Variants in NABP2 observed in about 807,000 individuals in gnomAD.
NABP2 encodes nucleic acid binding protein 2.
Under a neutral mutation model 22.7 loss-of-function variants are expected in NABP2, and 7 were observed. That is an observed-to-expected ratio of 0.31 (90% confidence interval 0.18 to 0.58). NABP2 has a LOEUF of 0.58. NABP2 is among the 20% of genes least tolerant of loss of function. The probability of loss-of-function intolerance (pLI) is 0.89; values close to 1 mark genes in which losing one functional copy is unlikely to be tolerated. For synonymous variants in NABP2, 107 were observed against 99.2 expected, an observed-to-expected ratio of 1.08 and a Z score of -0.47; for missense variants, 188 against 265.9, an observed-to-expected ratio of 0.71 and a Z score of 2.04.
chr12:56,224,719 T>C (rs571817406), intron 1 of NABP2, 115 bp from the exon 2 acceptor site: 1 of 1,012,220 alleles, frequency 9.9e-7, no homozygotes, highest in Admixed American at 2.0e-5. Context: ...TTTAGAAGGG[T>C]TAGAGGGGTT....
At position 56,229,563 on chromosome 12, in the gene NABP2, C is replaced by T. The variant is rs57343616; in HGVS notation, c.*350C>T. 10,834 of 250,152 alleles carry T rather than the reference C, an allele frequency of 0.043. 322 individuals are homozygous for T. Among genetic ancestry groups the T allele is most frequent in the Non-Finnish European group, 0.061 (7,697 of 126,700 alleles). 15.5% of individuals were successfully genotyped at this position (250,152 alleles called of 1,614,324 possible). A position where few individuals can be genotyped will look rare whatever the true frequency, so the allele number is the denominator to read the frequency against. ...CAGCCTGACCAACATGGAGAAACCCCGTGTCTACTAAAAATACAGAATTAG... is the reference window on the plus strand; with the variant it reads ...CAGCCTGACCAACATGGAGAAACCCTGTGTCTACTAAAAATACAGAATTAG... On this transcript the variant is annotated 3_prime_UTR_variant, in exon 7 of 7. Transcript: ENST00000267023.
upstream of NABP2, chr12:56,222,158 G>C (rs1279466886): frequency 6.6e-6 from 1 of 152,348 alleles, no homozygotes; most frequent in African/African-American, 2.4e-5. Context: ...CGGCAAAAAC[G>C]TGTGGGCCTG....
intron 2 of NABP2, 96 bp from the exon 3 acceptor site, chr12:56,225,277 T>C (rs1429338714): frequency 1.3e-6 from 2 of 1,524,828 alleles, no homozygotes; most frequent in Non-Finnish European, 1.8e-6. Flanking sequence ...GTACACCTTT[T>C]CCCTCATTCC....
At chr12:56,223,401 A>G (rs1869597499), upstream of NABP2, among the ~76,000 whole-genome samples, 1 of 152,112 alleles carries the variant, frequency 6.6e-6, no homozygotes. Flanking sequence ...CTCTACAAAA[A>G]AAATACAGAA....
At chr12:56,224,598 A>T in intron 1 of NABP2, 157 bp downstream of exon 1, 1 of 1,237,648 alleles carries the variant, frequency 8.1e-7, no homozygotes. Flanking sequence ...GCGGCTTGAG[A>T]CTAAAAGAGC....
At chr12:56,224,753 T>TG (rs34010849) in intron 1 of NABP2, 81 bp from the exon 2 acceptor site, 3 of 1,244,548 alleles carry the variant, frequency 2.4e-6, no homozygotes. Context: ...CCCAGCCTAA[T>TG]GGGGTAGGTA....
upstream of NABP2, chr12:56,224,314 C>T (rs1274494): frequency 0.94 from 928,913 of 987,006 alleles, 446,686 homozygotes; most frequent in East Asian, 0.98. Flanking sequence ...CGGAGGAGGC[C>T]AGCCGGGGGA....
Position 56,226,438 on chromosome 12 carries a change from A to G in NABP2, c.436+19A>G, listed in dbSNP as rs769901190. 18 of 1,608,500 alleles carry G rather than the reference A, an allele frequency of 1.1e-5. No individual in the cohort carries two copies. Among genetic ancestry groups the G allele is most frequent in the Non-Finnish European group, 1.5e-5 (18 of 1,176,640 alleles). The stretch of plus-strand genomic sequence containing the variant: ...TCTCCAGGTAAATCTGTTCCCTTCT[A>G]TCCACTGGTCCTCCTAGCTCTCCCA... On this transcript the variant is annotated intron_variant, in intron 6 of 6. Coordinates refer to ENST00000267023, the MANE Select transcript of NABP2 (RefSeq NM_024068.4).
chr12:56,228,318 C>T (rs370752190), intron 6 of NABP2, among the ~76,000 whole-genome samples: 20 of 151,520 alleles, frequency 1.3e-4, no homozygotes, highest in South Asian at 4.2e-4. Flanking sequence ...CATATTTTAA[C>T]GCAGAGACTT....
intron 1 of NABP2, 172 bp downstream of exon 1, chr12:56,224,613 C>T (rs2135828559): frequency 4.2e-6 from 5 of 1,192,150 alleles, no homozygotes; most frequent in South Asian, 2.1e-5. Context: ...AAGAGCATCC[C>T]GGCAGGGGGC....
rs1167913325 is a variant in NABP2 at position 56,229,348 on chromosome 12, AT to A, written c.*136del. ...GTGGAGGGTGGTGAGCAGTGTCCTT[AT>A]CCACCCTAATCTCATACTCCCTCAT... On this transcript the variant is annotated 3_prime_UTR_variant, in exon 7 of 7. Coordinates refer to ENST00000267023, the MANE Select transcript of NABP2 (RefSeq NM_024068.4). 5.9e-6 allele frequency: 5 copies of A among 849,598 alleles called. No homozygotes were observed. The Admixed American group carries it at 1.2e-4, about 20-fold the overall frequency. The allele number at this position is 849,598 out of a possible 1,614,324, so 52.6% of individuals were successfully genotyped here. A position where few individuals can be genotyped will look rare whatever the true frequency, so the allele number is the denominator to read the frequency against.
chr12:56,225,706 T>G lies in NABP2; in HGVS notation c.290+11T>G, dbSNP rs994800190. 6.2e-7 allele frequency: 1 copy of G among 1,614,094 alleles called. No individual in the cohort carries two copies. The highest frequency in any genetic ancestry group is 8.5e-7 in the Non-Finnish European group (1 of 1,179,954). On this transcript the variant is annotated intron_variant, in intron 4 of 6. Coordinates refer to ENST00000267023, the MANE Select transcript of NABP2 (RefSeq NM_024068.4). ...GCAGAAGATTGGAGAGTAAGTGCTG[T>G]CTTGGGGATTGGGATGAAGAAGCAC...
chr12:56,227,381 A>AC (rs1243977662), intron 6 of NABP2, among the ~76,000 whole-genome samples: 1 of 151,832 alleles, frequency 6.6e-6, no homozygotes, highest in Middle Eastern at 3.2e-3. Context: ...CTCAAAAAAA[A>AC]AAAAAAAAGA....
chr12:56,229,093 C>CCCCCCCCCCCCCCCAAAAAAACA lies in NABP2; in HGVS notation c.517_518insCCCCCCCCCCCCCAAAAAAACAC (p.His173ProfsTer68). 1 of 1,194,608 alleles carries CCCCCCCCCCCCCCCAAAAAAACA rather than the reference C, an allele frequency of 8.4e-7. No homozygotes were observed. Among genetic ancestry groups the CCCCCCCCCCCCCCCAAAAAAACA allele is most frequent in the Non-Finnish European group, 1.2e-6 (1 of 824,940 alleles). 74.0% of individuals were successfully genotyped at this position (1,194,608 alleles called of 1,614,324 possible). A position where few individuals can be genotyped will look rare whatever the true frequency, so the allele number is the denominator to read the frequency against. ...GCCCACATCCCCCTCATACTCCCTC[C>CCCCCCCCCCCCCCCAAAAAAACA]CACCCACCCAGCACCCGAATCACTC... On this transcript the variant is annotated frameshift_variant, in exon 7 of 7. Transcript: ENST00000267023. LOFTEE classifies it high-confidence loss of function.
chr12:56,227,594 C>T (rs1214450246), intron 6 of NABP2, among the ~76,000 whole-genome samples: 1 of 152,182 alleles, frequency 6.6e-6, no homozygotes, highest in Non-Finnish European at 1.5e-5. Flanking sequence ...AGTTCAATGA[C>T]AGTGGTATGT....
At chr12:56,225,233 T>G in intron 2 of NABP2, 140 bp from the exon 3 acceptor site, 1 of 1,111,998 alleles carries the variant, frequency 9.0e-7, no homozygotes, top group Non-Finnish European at 1.3e-6. Flanking sequence ...ATCCCAACCC[T>G]TTATGCCCCA....
chr12:56,224,971 G>T, intron 2 of NABP2, 36 bp downstream of exon 2: 1 of 1,491,460 alleles, frequency 6.7e-7, no homozygotes, highest in Non-Finnish European at 9.3e-7. Flanking sequence ...GCGGGATGGG[G>T]GTCGGGGGCA....
chr12:56,224,266 G>T, upstream of NABP2: 1 of 929,966 alleles, frequency 1.1e-6, no homozygotes, highest in Non-Finnish European at 1.3e-6. Flanking sequence ...CAGGGCAGGC[G>T]GCGGGACGCA....
chr12:56,228,292 T>G (rs1869884069), intron 6 of NABP2, among the ~76,000 whole-genome samples: 1 of 151,884 alleles, frequency 6.6e-6, no homozygotes, highest in Non-Finnish European at 1.5e-5. Flanking sequence ...CATACACACC[T>G]TTTTTTTAAG....
Sources: allele counts gnomAD v4.1 joint callset (sites outside exome capture counted in the v4.1 genomes callset), GRCh38; gene constraint gnomAD v4.1.1; transcripts MANE v1.5; gene names NCBI Gene and HGNC (gene_info 2026-07-23, HGNC 2026-07-21).